The following ESF1 variants were observed in gnomAD, a reference collection of about 807,000 sequenced individuals.
The protein encoded by ESF1 is ESF1 nucleolar pre-rRNA processing protein.
ESF1 carries 58 observed loss-of-function variants against 92.0 expected under a neutral mutation model. The observed-to-expected ratio is 0.63, with a 90% CI of 0.51 to 0.78. The LOEUF (loss-of-function observed/expected upper bound fraction) is 0.78. Among genes scored for constraint, ESF1 ranks in the 30% least tolerant of loss-of-function variants. The pLI, the probability that ESF1 is intolerant of heterozygous loss-of-function variation, is 0.00. For missense variants in ESF1, 922 were observed against 989.1 expected, an observed-to-expected ratio of 0.93 and a Z score of 0.91; for synonymous variants, 321 against 313.7, an observed-to-expected ratio of 1.02 and a Z score of -0.24.
intron 9 of ESF1, among the ~76,000 whole-genome samples, chr20:13,740,319 C>CA (rs1471887074): frequency 6.6e-6 from 1 of 151,778 alleles, no homozygotes; most frequent in Non-Finnish European, 1.5e-5. Flanking sequence ...TTATCAGATA[C>CA]AAAATATATA....
chr20:13,764,084 T>C (rs550999603), intron 8 of ESF1, among the ~76,000 whole-genome samples: 36 of 152,330 alleles, frequency 2.4e-4, no homozygotes, highest in African/African-American at 8.4e-4. Context: ...ATTTGACATT[T>C]AGGCTATAAA....
chr20:13,755,089 T>C (rs747033601), intron 9 of ESF1, among the ~76,000 whole-genome samples: 1 of 152,248 alleles, frequency 6.6e-6, no homozygotes, highest in Non-Finnish European at 1.5e-5. Context: ...GTATAAGATC[T>C]GTGAGTTCAG....
At chr20:13,745,380 G>A (rs1239112442) in intron 9 of ESF1, among the ~76,000 whole-genome samples, 1 of 152,218 alleles carries the variant, frequency 6.6e-6, no homozygotes, top group Admixed American at 6.5e-5. Flanking sequence ...GGAATTCTCT[G>A]TAGCCATGAA....
At chr20:13,777,134 G>T (rs1979979104) in intron 2 of ESF1, among the ~76,000 whole-genome samples, 1 of 152,240 alleles carries the variant, frequency 6.6e-6, no homozygotes, top group South Asian at 2.1e-4. Flanking sequence ...AAGAACAGAT[G>T]TGAATATAGT....
At chr20:13,740,392 G>A (rs1185410845) in intron 9 of ESF1, among the ~76,000 whole-genome samples, 1 of 151,212 alleles carries the variant, frequency 6.6e-6, no homozygotes, top group East Asian at 1.9e-4. Flanking sequence ...GATAAGACTA[G>A]AAAAAAAATA....
Position 13,784,803 on chromosome 20 carries a change from T to C in ESF1, c.-44+77A>G, listed in dbSNP as rs76022973. On this transcript the variant is annotated intron_variant, in intron 1 of 13. Coordinates refer to ENST00000617257, the MANE Select transcript of ESF1 (RefSeq NM_001276380.2). ...AAAGAGATCCTGTTAGAGACTAGTT[T>C]TTTCCCCGCGCCACACACACACACG... 7,487 of 532,870 alleles carry C rather than the reference T, an allele frequency of 0.014. 75 individuals are homozygous for C. The highest frequency in any genetic ancestry group is 0.018 in the Non-Finnish European group (5,429 of 296,378). The allele number at this position is 532,870 out of a possible 1,614,324, so 33.0% of individuals were successfully genotyped here.
chr20:13,749,232 A>ATTTTTTT (rs71188184), intron 9 of ESF1, among the ~76,000 whole-genome samples: 11 of 89,664 alleles, frequency 1.2e-4, no homozygotes, highest in African/African-American at 1.7e-4. Flanking sequence ...TGCCCGGCTA[A>ATTTTTTT]TTTTTTTTTT....
intron 4 of ESF1, among the ~76,000 whole-genome samples, chr20:13,774,033 T>A (rs1057285497): frequency 2.6e-5 from 4 of 151,578 alleles, no homozygotes; most frequent in African/African-American, 9.7e-5. Context: ...AGGCGGAGCT[T>A]GCAGTGAGCC....
chr20:13,738,853 A>G (rs531787720), intron 9 of ESF1, among the ~76,000 whole-genome samples: 1 of 152,322 alleles, frequency 6.6e-6, no homozygotes, highest in African/African-American at 2.4e-5. Flanking sequence ...TAAAGAAGCA[A>G]ATAAAAGAAA....
At chr20:13,776,440 C>T (rs1029110512) in intron 2 of ESF1, among the ~76,000 whole-genome samples, 170 bp from the exon 3 acceptor site, 1 of 152,126 alleles carries the variant, frequency 6.6e-6, no homozygotes, top group Non-Finnish European at 1.5e-5. Context: ...GAAATCCTAA[C>T]CATAACTTCT....
intron 4 of ESF1, among the ~76,000 whole-genome samples, chr20:13,773,748 G>A (rs1282270733): frequency 6.6e-6 from 1 of 152,118 alleles, no homozygotes; most frequent in Non-Finnish European, 1.5e-5. Flanking sequence ...TTAGCCAAAA[G>A]GCCGAGAAGC....
At chr20:13,739,848 G>C (rs2049999755) in intron 9 of ESF1, among the ~76,000 whole-genome samples, 1 of 152,008 alleles carries the variant, frequency 6.6e-6, no homozygotes, top group Non-Finnish European at 1.5e-5. Context: ...TGGGTTGCTG[G>C]CCAAGAAGCC....
chr20:13,734,018 C>A (rs1209167295), intron 9 of ESF1, among the ~76,000 whole-genome samples, 176 bp from the exon 10 acceptor site: 3 of 152,144 alleles, frequency 2.0e-5, no homozygotes, highest in Admixed American at 2.0e-4. Flanking sequence ...GGACCAACTT[C>A]TATAAAAGTT....
chr20:13,746,002 A>G (rs2050046184), intron 9 of ESF1, among the ~76,000 whole-genome samples: 1 of 152,020 alleles, frequency 6.6e-6, no homozygotes, highest in Non-Finnish European at 1.5e-5. Flanking sequence ...TCGCTCTGTC[A>G]CCCAGACTGG....
At chr20:13,749,074 A>T (rs927249914) in intron 9 of ESF1, among the ~76,000 whole-genome samples, 20 of 148,420 alleles carry the variant, frequency 1.3e-4, no homozygotes, top group East Asian at 4.0e-4. Context: ...AATTATTATT[A>T]TTTTTTTTTG....
At chr20:13,733,595 T>C (rs759270108) in intron 10 of ESF1, 126 bp downstream of exon 10, 204 of 976,254 alleles carry the variant, frequency 2.1e-4, no homozygotes, top group Admixed American at 5.9e-4. Flanking sequence ...TTTCTTAAAA[T>C]TGGGATGATA....
intron 11 of ESF1, among the ~76,000 whole-genome samples, chr20:13,727,138 A>C (rs548446960): frequency 2.9e-4 from 44 of 152,338 alleles, no homozygotes; most frequent in Non-Finnish European, 5.9e-4. Context: ...TTCACATGCC[A>C]AAGGAAACAT....
At chr20:13,732,305 G>T (rs1282926994) in intron 10 of ESF1, among the ~76,000 whole-genome samples, 1 of 152,188 alleles carries the variant, frequency 6.6e-6, no homozygotes, top group African/African-American at 2.4e-5. Context: ...CTTCTGTGTT[G>T]ATAGTTGTAG....
chr20:13,772,671 T>TA, intron 4 of ESF1, 56 bp from the exon 5 acceptor site: 1 of 1,270,662 alleles, frequency 7.9e-7, no homozygotes, highest in South Asian at 1.2e-5. Context: ...CACAAATATC[T>TA]AGACCTGTCG....
Sources: gnomAD v4.1 joint callset for allele counts (sites outside exome capture counted in the v4.1 genomes callset) on GRCh38, gnomAD v4.1.1 for gene constraint, MANE v1.5 for transcripts, NCBI Gene and HGNC (gene_info 2026-07-23, HGNC 2026-07-21) for gene names.